Variants in ASIP observed in about 807,000 individuals in gnomAD.
The protein encoded by ASIP is agouti-signaling protein.
Under a neutral mutation model 10.3 loss-of-function variants are expected in ASIP, and 11 were observed. The ratio of observed to expected loss-of-function variants is 1.07; its 90% CI spans 0.68 to 1.78. The LOEUF (loss-of-function observed/expected upper bound fraction) is 1.78. ASIP is among the 40% of genes most tolerant of loss of function. The probability of loss-of-function intolerance (pLI) is 0.00; values close to 1 mark genes in which losing one functional copy is unlikely to be tolerated. For missense variants in ASIP, 180 were observed against 169.2 expected, an observed-to-expected ratio of 1.06 and a Z score of -0.35; for synonymous variants, 70 against 70.8, an observed-to-expected ratio of 0.99 and a Z score of 0.06.
At chr20:34,195,245 T>C (rs950075328) in intron 1 of ASIP, among the ~76,000 whole-genome samples, 2 of 151,976 alleles carry the variant, frequency 1.3e-5, no homozygotes, top group African/African-American at 4.8e-5. Context: ...GGAGCAGCCA[T>C]GTTGTACTGA....
At chr20:34,193,654 A>G (rs1293281958), upstream of ASIP, among the ~76,000 whole-genome samples, 1 of 152,208 alleles carries the variant, frequency 6.6e-6, no homozygotes, top group Non-Finnish European at 1.5e-5. Context: ...TGGTGTTGCA[A>G]ACACTTCACC....
In ASIP at chr20:34,258,700, A is replaced by ATATATATATATATACACACATAC. The variant is rs1555826880; in HGVS notation, c.-10-1656_-10-1655insATATACACACATACTATATATAT. 2.3e-3 allele frequency among the ~76,000 whole-genome samples: 180 copies of ATATATATATATATACACACATAC among 77,912 alleles called. 19 individuals carry two copies. The highest frequency in any genetic ancestry group is 3.6e-3 in the Admixed American group (20 of 5,522). 51.1% of individuals were successfully genotyped at this position (77,912 alleles called of 152,430 possible). On this transcript the variant is annotated intron_variant, in intron 1 of 3. Coordinates refer to ENST00000374954, the MANE Select transcript of ASIP (RefSeq NM_001672.3). ...ATATATATATATATATACATACTAT[A>ATATATATATATATACACACATAC]TATATATATTATATATATTATAAAA...
chr20:34,233,385 G>C (rs1408594280), intron 1 of ASIP, among the ~76,000 whole-genome samples: 1 of 151,998 alleles, frequency 6.6e-6, no homozygotes, highest in Non-Finnish European at 1.5e-5. Flanking sequence ...CTGACCTCAT[G>C]ATCTGCCCAC....
intron 3 of ASIP, among the ~76,000 whole-genome samples, chr20:34,265,763 A>G (rs2035773312): frequency 6.6e-6 from 1 of 151,764 alleles, no homozygotes; most frequent in Non-Finnish European, 1.5e-5. Context: ...CAGTCTGACC[A>G]ACATGGTGAA....
intron 3 of ASIP, among the ~76,000 whole-genome samples, chr20:34,265,004 C>T (rs921511530): frequency 5.3e-5 from 8 of 151,854 alleles, no homozygotes; most frequent in African/African-American, 1.5e-4. Context: ...CGGTGTTGCC[C>T]GGGCTGGTCT....
intron 1 of ASIP, among the ~76,000 whole-genome samples, chr20:34,203,177 T>A (rs1463750173): frequency 6.6e-6 from 1 of 152,220 alleles, no homozygotes; most frequent in African/African-American, 2.4e-5. Context: ...CTGCTGGAAT[T>A]TTTATTGGGA....
At chr20:34,214,747 G>A in intron 1 of ASIP, 1 of 1,220,288 alleles carries the variant, frequency 8.2e-7, no homozygotes, top group Non-Finnish European at 1.2e-6. Flanking sequence ...CAACATGATT[G>A]CCTCCACATT....
chr20:34,245,815 G>T, intron 1 of ASIP: 1 of 783,682 alleles, frequency 1.3e-6, no homozygotes, highest in Non-Finnish European at 1.6e-6. Flanking sequence ...TGCCAAGGAC[G>T]AGGGCAGTCT....
intron 1 of ASIP, chr20:34,215,755 T>C: frequency 6.7e-7 from 1 of 1,499,734 alleles, no homozygotes; most frequent in Non-Finnish European, 9.3e-7. Flanking sequence ...CATCACTATA[T>C]GTCCTCTGGG....
At chr20:34,235,794 AAAGAAAG>A (rs1568755725) in intron 1 of ASIP, among the ~76,000 whole-genome samples, 2 of 45,124 alleles carry the variant, frequency 4.4e-5, no homozygotes, top group African/African-American at 4.2e-4. Context: ...AAGAAGAAAG[AAAGAAAG>A]AAAGAAAGAA....
chr20:34,237,935 GT>G (rs923166103), upstream of ASIP, among the ~76,000 whole-genome samples: 5 of 152,102 alleles, frequency 3.3e-5, no homozygotes, highest in East Asian at 5.8e-4. Flanking sequence ...TTGGTTGACA[GT>G]TTTTTTCTTT....
At chr20:34,191,244 C>G (rs1301371750), upstream of ASIP, among the ~76,000 whole-genome samples, 3 of 152,202 alleles carry the variant, frequency 2.0e-5, no homozygotes, top group African/African-American at 7.2e-5. Flanking sequence ...CAAATCCAAT[C>G]TTGGTCCTTT....
intron 1 of ASIP, among the ~76,000 whole-genome samples, chr20:34,232,604 G>A (rs1006316483): frequency 6.6e-6 from 1 of 152,208 alleles, no homozygotes; most frequent in Non-Finnish European, 1.5e-5. Context: ...GAGACATCCA[G>A]TATATAGTTT....
intron 1 of ASIP, among the ~76,000 whole-genome samples, chr20:34,259,815 T>G (rs1038656569): frequency 5.3e-5 from 8 of 151,888 alleles, no homozygotes; most frequent in Non-Finnish European, 1.2e-4. Context: ...TGTCAACAGC[T>G]CCATCCTCCT....
upstream of ASIP, chr20:34,241,392 T>C: frequency 1.1e-6 from 1 of 947,538 alleles, no homozygotes; most frequent in Non-Finnish European, 1.3e-6. Flanking sequence ...TGTTTTCTTG[T>C]TCTTGTCTTT....
chr20:34,227,926 C>T (rs761390467), intron 1 of ASIP, among the ~76,000 whole-genome samples: 5 of 152,096 alleles, frequency 3.3e-5, no homozygotes, highest in Non-Finnish European at 7.3e-5. Flanking sequence ...GTCAGTAGTT[C>T]AGAATAGAGA....
chr20:34,251,342 C>G (rs1299208123), intron 1 of ASIP, among the ~76,000 whole-genome samples: 2 of 151,770 alleles, frequency 1.3e-5, no homozygotes, highest in Non-Finnish European at 2.9e-5. Context: ...GTGATGTCGG[C>G]TCACTGCAAC....
Position 34,268,447 on chromosome 20 carries a change from G to A in ASIP, c.223-544G>A, listed in dbSNP as rs189997181. On this transcript the variant is annotated intron_variant, in intron 3 of 3. Transcript: ENST00000374954. The stretch of plus-strand genomic sequence containing the variant: ...AGAGAAACCACTTAGGCCGGGCGCG[G>A]TGGCTCACGCCTGTAATGTAAACCC... 3.4e-4 allele frequency among the ~76,000 whole-genome samples: 52 copies of A among 152,336 alleles called. 1 individual carries two copies. Among genetic ancestry groups the A allele is most frequent in the Middle Eastern group, 6.8e-3 (2 of 294 alleles).
chr20:34,246,253 CT>C lies in ASIP; in HGVS notation c.-11+4766del, dbSNP rs925958610. ...GTTTTATTTGGCCTCTTCCACCTCT[CT>C]TCTGTTTTTTCTTCTCCTCTTCTTC... On this transcript the variant is annotated intron_variant, in intron 1 of 3. Transcript: ENST00000374954. The C allele has an allele frequency of 1.9e-5, 29 of 1,550,916 alleles. No individual in the cohort carries two copies. The African/African-American group carries it at 3.8e-4, about 20-fold the overall frequency.
Sources: allele counts gnomAD v4.1 joint callset (sites outside exome capture counted in the v4.1 genomes callset), GRCh38; gene constraint gnomAD v4.1.1; transcripts MANE v1.5; gene names NCBI Gene and HGNC (gene_info 2026-07-23, HGNC 2026-07-21).